Variants in TEAD1 observed in about 807,000 individuals in gnomAD.
TEAD1 encodes the protein transcriptional enhancer factor TEF-1.
A neutral mutation model predicts 54.9 loss-of-function variants in TEAD1; 9 were observed. The ratio of observed to expected loss-of-function variants is 0.16; its 90% CI spans 0.10 to 0.29. TEAD1 has a LOEUF of 0.29. Among genes scored for constraint, TEAD1 ranks in the 10% least tolerant of loss-of-function variants. The probability of loss-of-function intolerance (pLI) is 1.00; values close to 1 mark genes in which losing one functional copy is unlikely to be tolerated. For synonymous variants in TEAD1, 200 were observed against 187.8 expected (o/e 1.07, Z -0.53); for missense variants, 387 against 535.9 (o/e 0.72, Z 2.74).
chr11:12,716,201 C>G (rs1944058879), intron 2 of TEAD1, among the ~76,000 whole-genome samples: 1 of 152,130 alleles, frequency 6.6e-6, no homozygotes, highest in Admixed American at 6.5e-5. Flanking sequence ...ACTCTCTCCA[C>G]TGCCCTCCTT....
intron 3 of TEAD1, among the ~76,000 whole-genome samples, chr11:12,791,299 A>C (rs1443760748): frequency 6.6e-6 from 1 of 152,188 alleles, no homozygotes; most frequent in Non-Finnish European, 1.5e-5. Flanking sequence ...AGAAACCTTT[A>C]TCAAGTAAAA....
intron 2 of TEAD1, among the ~76,000 whole-genome samples, chr11:12,703,416 T>G (rs904341865): frequency 6.6e-6 from 1 of 152,210 alleles, no homozygotes; most frequent in Non-Finnish European, 1.5e-5. Context: ...GAGTGACACA[T>G]AGCAAGTGCT....
At position 12,848,214 on chromosome 11, in the gene TEAD1, G is replaced by A. The variant is rs148269480; in HGVS notation, c.203-14036G>A. Among the ~76,000 whole-genome samples, 26 of 152,226 alleles carry A rather than the reference G, an allele frequency of 1.7e-4. No individual in the cohort carries two copies. The East Asian group carries it at 2.9e-3, about 17-fold the overall frequency. ...GGCAGAGAGTGTGTATTATTCCAGCGTGTTTCTCTTCTAGAGCCTAGCCTA... is the reference window on the plus strand; with the variant it reads ...GGCAGAGAGTGTGTATTATTCCAGCATGTTTCTCTTCTAGAGCCTAGCCTA... On this transcript the variant is annotated intron_variant, in intron 3 of 12. Transcript: ENST00000527636.
intron 10 of TEAD1, among the ~76,000 whole-genome samples, chr11:12,924,539 T>C (rs1280271918): frequency 6.6e-6 from 1 of 152,190 alleles, no homozygotes; most frequent in Non-Finnish European, 1.5e-5. Flanking sequence ...TCAGCTGCAG[T>C]CTCTTGTTTT....
At chr11:12,760,229 C>T (rs1302487562) in intron 2 of TEAD1, among the ~76,000 whole-genome samples, 1 of 152,194 alleles carries the variant, frequency 6.6e-6, no homozygotes, top group Non-Finnish European at 1.5e-5. Flanking sequence ...TGACAGAGCG[C>T]CTTCACTCAT....
rs748602697 is a variant in TEAD1 at position 12,883,133 on chromosome 11, T to A, written c.699+8T>A. 1.1e-5 allele frequency: 17 copies of A among 1,614,098 alleles called. No individual in the cohort carries two copies. The highest frequency in any genetic ancestry group is 8.5e-7 in the Non-Finnish European group (1 of 1,180,052). ...CAGCGAGACCCAGACTCGGTGAGTG[T>A]GCCCAGAGAGGTGTGTCTTGAATCC... is the stretch of plus-strand genomic sequence containing the variant. On this transcript the variant is annotated splice_region_variant and intron_variant, in intron 9 of 12. Transcript: ENST00000527636.
At position 12,944,261 on chromosome 11, in the gene TEAD1, CAT is replaced by C. The variant is rs988634078; in HGVS notation, c.*7040_*7041del. The C allele has an allele frequency of 4.4e-4, 67 of 152,670 alleles. No homozygotes were observed. Among genetic ancestry groups the C allele is most frequent in the African/African-American group, 1.4e-3 (59 of 41,540 alleles). The allele number at this position is 152,670 out of a possible 1,614,324, so 9.5% of individuals were successfully genotyped here. On this transcript the variant is annotated 3_prime_UTR_variant, in exon 13 of 13. Coordinates refer to ENST00000527636, the MANE Select transcript of TEAD1 (RefSeq NM_021961.6). ...GGGTGGGCGTGGGCAAATTCTCACA[CAT>C]GTTTTCTTAACCTATTTGCAGAAAC...
chr11:12,925,114 C>T, intron 11 of TEAD1, 62 bp downstream of exon 11: 1 of 1,588,958 alleles, frequency 6.3e-7, no homozygotes, highest in Non-Finnish European at 8.6e-7. Flanking sequence ...TTCCTTTAAA[C>T]CTTCCTTGGG....
intron 3 of TEAD1, among the ~76,000 whole-genome samples, chr11:12,790,987 T>G (rs1049866941): frequency 6.6e-6 from 1 of 152,236 alleles, no homozygotes; most frequent in African/African-American, 2.4e-5. Flanking sequence ...CAATTCTATT[T>G]CTAGGTATTT....
At chr11:12,872,830 T>G (rs1269365548) in intron 5 of TEAD1, among the ~76,000 whole-genome samples, 1 of 152,178 alleles carries the variant, frequency 6.6e-6, no homozygotes, top group African/African-American at 2.4e-5. Flanking sequence ...GAATCCAGCT[T>G]GGAAAGCCAG....
chr11:12,702,662 T>C (rs2133840451), intron 2 of TEAD1, among the ~76,000 whole-genome samples: 1 of 152,262 alleles, frequency 6.6e-6, no homozygotes, highest in South Asian at 2.1e-4. Flanking sequence ...TTCCCTTCCA[T>C]GTTCTCCCAA....
At chr11:12,831,157 G>A (rs139959360) in intron 3 of TEAD1, among the ~76,000 whole-genome samples, 2 of 152,138 alleles carry the variant, frequency 1.3e-5, no homozygotes, top group East Asian at 3.9e-4. Flanking sequence ...CCACTCCATG[G>A]TTCCTCCTCC....
chr11:12,802,700 C>T (rs1050314954), intron 3 of TEAD1, among the ~76,000 whole-genome samples: 4 of 152,134 alleles, frequency 2.6e-5, no homozygotes, highest in Admixed American at 6.5e-5. Context: ...AGGCATGTGG[C>T]CGACCCGACC....
At chr11:12,834,858 C>T (rs1325336865) in intron 3 of TEAD1, among the ~76,000 whole-genome samples, 3 of 151,710 alleles carry the variant, frequency 2.0e-5, no homozygotes, top group Non-Finnish European at 4.4e-5. Flanking sequence ...CTCAAGCTAT[C>T]CTCCTGCCTT....
chr11:12,748,481 G>T (rs774819227), intron 2 of TEAD1, among the ~76,000 whole-genome samples: 8 of 152,178 alleles, frequency 5.3e-5, no homozygotes, highest in Non-Finnish European at 1.2e-4. Flanking sequence ...TGAAAGGCCA[G>T]GGGTCTCATA....
At chr11:12,919,042 T>C (rs980227978) in intron 10 of TEAD1, among the ~76,000 whole-genome samples, 2 of 152,220 alleles carry the variant, frequency 1.3e-5, no homozygotes, top group Non-Finnish European at 2.9e-5. Flanking sequence ...ATCTGGGTGC[T>C]GGCTCACTTG....
chr11:12,929,200 GTC>G (rs1564994356), intron 11 of TEAD1, among the ~76,000 whole-genome samples: 15,106 of 81,974 alleles, frequency 0.18, 988 homozygotes, highest in East Asian at 0.34. Flanking sequence ...GTGTGTGTGT[GTC>G]TGCTTTAGGG....
intron 10 of TEAD1, among the ~76,000 whole-genome samples, chr11:12,903,554 C>T (rs562297138): frequency 6.6e-6 from 1 of 152,330 alleles, no homozygotes; most frequent in African/African-American, 2.4e-5. Context: ...GTGGCTCACG[C>T]CTGTAATTCC....
intron 3 of TEAD1, among the ~76,000 whole-genome samples, chr11:12,849,961 A>G (rs1402725233): frequency 6.6e-6 from 1 of 152,252 alleles, no homozygotes; most frequent in Admixed American, 6.5e-5. Flanking sequence ...TGAAGAAGAT[A>G]CAAAGATTGG....
Sources: gnomAD v4.1 joint callset for allele counts (sites outside exome capture counted in the v4.1 genomes callset) on GRCh38, gnomAD v4.1.1 for gene constraint, MANE v1.5 for transcripts, NCBI Gene and HGNC (gene_info 2026-07-23, HGNC 2026-07-21) for gene names.